SEC31A: variants seen among roughly 807,000 people sequenced by gnomAD.
The protein encoded by SEC31A is SEC31 homolog A, COPII component.
A neutral mutation model predicts 151.0 loss-of-function variants in SEC31A; 70 were observed. The observed-to-expected ratio is 0.46, with a 90% CI of 0.38 to 0.57. The LOEUF is 0.57. Ranked by LOEUF, SEC31A falls within the 20% of genes least tolerant of loss-of-function variation. The pLI is 0.00. For synonymous variants in SEC31A, 475 were observed against 505.9 expected (o/e 0.94, Z 0.82); for missense variants, 1,330 against 1,471.2 (o/e 0.90, Z 1.57).
At chr4:82,879,841 T>C (rs560979829) in intron 3 of SEC31A, among the ~76,000 whole-genome samples, 12 of 152,300 alleles carry the variant, frequency 7.9e-5, no homozygotes, top group African/African-American at 2.9e-4. Context: ...CCTAGTTACC[T>C]AGTGTATTAG....
At chr4:82,857,352 T>C (rs1578254944) in intron 15 of SEC31A, among the ~76,000 whole-genome samples, 1 of 22,404 alleles carries the variant, frequency 4.5e-5, no homozygotes, top group Admixed American at 1.3e-3. Flanking sequence ...ATTTTCCAGA[T>C]GCTTTAACTG....
At chr4:82,841,457 T>TATATATATATATATAC (rs1302908611) in intron 22 of SEC31A, among the ~76,000 whole-genome samples, 2 of 112,148 alleles carry the variant, frequency 1.8e-5, no homozygotes, top group Admixed American at 1.0e-4. Flanking sequence ...TATATATATA[T>TATATATATATATATAC]ATATATATAT....
intron 22 of SEC31A, among the ~76,000 whole-genome samples, chr4:82,840,854 C>T (rs1301615230): frequency 6.6e-6 from 1 of 152,130 alleles, no homozygotes; most frequent in East Asian, 1.9e-4. Context: ...ATAGGGCACT[C>T]ACCACAAATG....
intron 22 of SEC31A, among the ~76,000 whole-genome samples, chr4:82,839,382 C>G (rs1437177515): frequency 6.6e-6 from 1 of 152,164 alleles, no homozygotes; most frequent in Admixed American, 6.5e-5. Context: ...AACTCCTGAC[C>G]TCAGGTGATC....
At chr4:82,892,309 C>T (rs1375384757), upstream of SEC31A, among the ~76,000 whole-genome samples, 4 of 152,248 alleles carry the variant, frequency 2.6e-5, no homozygotes, top group African/African-American at 9.6e-5. Context: ...CAAGTAAATG[C>T]TCCATTTCAA....
chr4:82,862,397 A>G, intron 13 of SEC31A, 137 bp downstream of exon 13: 1 of 620,384 alleles, frequency 1.6e-6, no homozygotes, highest in Non-Finnish European at 2.8e-6. Flanking sequence ...AGAATTATTA[A>G]TTTATTAAAA....
chr4:82,859,352 TG>T (rs1462634745), intron 14 of SEC31A, among the ~76,000 whole-genome samples: 6 of 152,184 alleles, frequency 3.9e-5, no homozygotes, highest in Non-Finnish European at 5.9e-5. Context: ...AGAAATATAA[TG>T]GGGGCATTTT....
chr4:82,849,613 C>CAAAAA, intron 19 of SEC31A, among the ~76,000 whole-genome samples: 1 of 109,662 alleles, frequency 9.1e-6, no homozygotes, highest in South Asian at 3.3e-4. Flanking sequence ...GAATCCGTCT[C>CAAAAA]AAAAAAAAAA....
At chr4:82,882,260 G>A (rs1051410624) in intron 1 of SEC31A, among the ~76,000 whole-genome samples, 5 of 151,992 alleles carry the variant, frequency 3.3e-5, no homozygotes, top group South Asian at 4.2e-4. Flanking sequence ...AAAATTAGCC[G>A]GGCGTGGTGG....
intron 21 of SEC31A, among the ~76,000 whole-genome samples, chr4:82,843,117 A>C (rs1004731940): frequency 2.2e-4 from 33 of 151,466 alleles, no homozygotes; most frequent in African/African-American, 8.0e-4. Context: ...AACCCAGATT[A>C]GGGAGTTGTG....
chr4:82,896,763 G>T (rs1162316358), intron 3 of SEC31A, among the ~76,000 whole-genome samples: 1 of 152,102 alleles, frequency 6.6e-6, no homozygotes, highest in African/African-American at 2.4e-5. Flanking sequence ...AATTTTTCAA[G>T]GAATATTGTC....
chr4:82,879,437 A>G (rs1425010936), intron 3 of SEC31A, among the ~76,000 whole-genome samples: 1 of 152,050 alleles, frequency 6.6e-6, no homozygotes, highest in African/African-American at 2.4e-5. Context: ...TAAAGGAGTC[A>G]TGTGAAATTT....
intron 22 of SEC31A, among the ~76,000 whole-genome samples, chr4:82,831,783 C>T (rs1463169423): frequency 6.6e-6 from 1 of 152,126 alleles, no homozygotes; most frequent in Non-Finnish European, 1.5e-5. Context: ...TAAGAATATA[C>T]AGATTTATGA....
At chr4:82,867,439 C>A (rs1180343775) in intron 8 of SEC31A, 123 bp from the exon 9 acceptor site, 6 of 786,828 alleles carry the variant, frequency 7.6e-6, no homozygotes, top group African/African-American at 3.5e-5. Flanking sequence ...TAGAAAGTAT[C>A]TTTAGCCAGG....
At chr4:82,847,006 C>T (rs942547965) in intron 20 of SEC31A, among the ~76,000 whole-genome samples, 2 of 152,198 alleles carry the variant, frequency 1.3e-5, no homozygotes, top group East Asian at 1.9e-4. Context: ...TGAGCCACCG[C>T]GCCTGGCCTG....
At chr4:82,839,214 G>A (rs959406403) in intron 22 of SEC31A, among the ~76,000 whole-genome samples, 12 of 152,020 alleles carry the variant, frequency 7.9e-5, no homozygotes, top group African/African-American at 1.9e-4. Flanking sequence ...GCAGTGGTGC[G>A]ATCTCGGCTC....
chr4:82,885,121 T>C (rs1212488228), intron 1 of SEC31A, among the ~76,000 whole-genome samples: 1 of 152,212 alleles, frequency 6.6e-6, no homozygotes, highest in African/African-American at 2.4e-5. Flanking sequence ...TGCCTTTACA[T>C]GTATACTTTT....
At chr4:82,825,159 G>A (rs560655952) in intron 24 of SEC31A, among the ~76,000 whole-genome samples, 61 of 152,322 alleles carry the variant, frequency 4.0e-4, no homozygotes, top group African/African-American at 1.4e-3. Flanking sequence ...GATTAAGAGA[G>A]AAGACATCCC....
chr4:82,863,205 C>T (rs1489880257), intron 12 of SEC31A, 113 bp downstream of exon 12: 7 of 673,660 alleles, frequency 1.0e-5, no homozygotes, highest in Non-Finnish European at 1.7e-5. Context: ...GGCAACCAAA[C>T]ACAAATTATT....
Sources: gnomAD v4.1 joint callset for allele counts (sites outside exome capture counted in the v4.1 genomes callset) on GRCh38, gnomAD v4.1.1 for gene constraint, MANE v1.5 for transcripts, NCBI Gene and HGNC (gene_info 2026-07-23, HGNC 2026-07-21) for gene names.